MEGF10: variants seen among roughly 807,000 people sequenced by gnomAD.
The protein encoded by MEGF10 is multiple epidermal growth factor-like domains protein 10.
A neutral mutation model predicts 147.5 loss-of-function variants in MEGF10; 86 were observed. The observed-to-expected ratio is 0.58, with a 90% CI of 0.49 to 0.70. The LOEUF (loss-of-function observed/expected upper bound fraction) is 0.70, where lower values mean the gene tolerates loss of function less well. Among genes scored for constraint, MEGF10 ranks in the 30% least tolerant of loss-of-function variants. MEGF10 has a pLI of 0.00. For missense variants in MEGF10, 1,329 were observed against 1,487.3 expected (o/e 0.89, Z 1.75); for synonymous variants, 478 against 525.5 (o/e 0.91, Z 1.24).
the MEGF10 span, among the ~76,000 whole-genome samples, chr5:127,274,310 T>C: frequency 6.6e-6 from 1 of 152,156 alleles, no homozygotes; most frequent in Admixed American, 6.5e-5. Flanking sequence ...TGTGAAAAAT[T>C]TTTGTTTCAA....
At chr5:127,262,755 A>G in the MEGF10 span, among the ~76,000 whole-genome samples, 25 of 152,252 alleles carry the variant, frequency 1.6e-4, no homozygotes, top group African/African-American at 5.3e-4. Context: ...ACTCTGTCCT[A>G]TATCTTTCCA....
chr5:127,445,669 G>T lies in MEGF10; in HGVS notation c.2704G>T (p.Val902Phe), dbSNP rs138034219. ...TACCTACACCCCTGCTATGAGGGTC[G>T]TCAATGCAGATTATACCATTTCAGG... ...AVTYTPAMRV[V>F]NADYTISGTL... is the part of the protein sequence containing the mutation. Residue 902 changes from valine to phenylalanine, a missense_variant, in exon 20 of 25, where the codon GTC becomes TTC. Around this residue, in one of 3 missense-constraint regions of MEGF10, gnomAD observed 343 missense variants for 377.9 expected, o/e 0.91. Transcript: ENST00000503335. The T allele has an allele frequency of 5.5e-5, 88 of 1,613,780 alleles. No homozygotes were observed. The South Asian group carries it at 8.5e-4, about 16-fold the overall frequency.
intron 4 of MEGF10, among the ~76,000 whole-genome samples, chr5:127,364,436 T>C (rs1453761339): frequency 6.6e-6 from 1 of 152,226 alleles, no homozygotes; most frequent in Non-Finnish European, 1.5e-5. Context: ...TTTATTGAGT[T>C]TGATGGATCT....
chr5:127,419,028 A>G, intron 10 of MEGF10, 92 bp from the exon 11 acceptor site: 1 of 1,405,538 alleles, frequency 7.1e-7, no homozygotes, highest in Non-Finnish European at 9.6e-7. Flanking sequence ...AGGAAGTATA[A>G]TTAGCATTGC....
chr5:127,262,791 TTC>T, the MEGF10 span, among the ~76,000 whole-genome samples: 1 of 152,202 alleles, frequency 6.6e-6, no homozygotes, highest in Non-Finnish European at 1.5e-5. Context: ...TACACTTTTG[TTC>T]TCTATCTCTA....
chr5:127,456,680 A>C (rs1432655693), intron 24 of MEGF10, among the ~76,000 whole-genome samples: 1 of 152,260 alleles, frequency 6.6e-6, no homozygotes, highest in African/African-American at 2.4e-5. Flanking sequence ...ACTGTCCCAC[A>C]AACCTGCCAC....
chr5:127,433,265 G>T, intron 13 of MEGF10, 98 bp from the exon 14 acceptor site: 1 of 1,454,406 alleles, frequency 6.9e-7, no homozygotes, highest in Non-Finnish European at 9.6e-7. Context: ...GTGATCCTCA[G>T]GTTTAACACT....
intron 5 of MEGF10, among the ~76,000 whole-genome samples, chr5:127,372,190 G>A (rs956918189): frequency 1.3e-5 from 2 of 152,170 alleles, no homozygotes; most frequent in African/African-American, 2.4e-5. Context: ...CAATTTGATG[G>A]TGGACATTAG....
At chr5:127,389,721 G>C (rs1400143311) in intron 5 of MEGF10, among the ~76,000 whole-genome samples, 1 of 152,070 alleles carries the variant, frequency 6.6e-6, no homozygotes, top group Non-Finnish European at 1.5e-5. Flanking sequence ...GCTAAATACC[G>C]AGAACACATG....
chr5:127,355,314 TA>T (rs147939406), intron 4 of MEGF10, among the ~76,000 whole-genome samples: 25 of 148,408 alleles, frequency 1.7e-4, no homozygotes, highest in Admixed American at 5.4e-4. Context: ...TGTCAAATAT[TA>T]AAAAAAAAAC....
chr5:127,314,669 C>T (rs991077039), intron 1 of MEGF10, among the ~76,000 whole-genome samples: 9 of 152,088 alleles, frequency 5.9e-5, no homozygotes, highest in African/African-American at 1.9e-4. Context: ...ACATGTTGGA[C>T]TAAGGGAATT....
chr5:127,382,273 A>G (rs1173453636), intron 5 of MEGF10, among the ~76,000 whole-genome samples: 2 of 152,226 alleles, frequency 1.3e-5, no homozygotes, highest in Non-Finnish European at 2.9e-5. Flanking sequence ...TGTCCTAGTT[A>G]TATAGACTAT....
the MEGF10 span, among the ~76,000 whole-genome samples, chr5:127,239,873 C>T: frequency 6.6e-6 from 1 of 152,148 alleles, no homozygotes; most frequent in African/African-American, 2.4e-5. Context: ...TGACAGATGA[C>T]TTCTCTACCT....
intron 9 of MEGF10, among the ~76,000 whole-genome samples, chr5:127,415,963 A>T (rs1053033238): frequency 2.6e-5 from 4 of 151,658 alleles, no homozygotes; most frequent in African/African-American, 9.7e-5. Flanking sequence ...CTATTTATGG[A>T]AATTTGGACA....
At chr5:127,427,000 GC>G (rs1179128802) in intron 13 of MEGF10, among the ~76,000 whole-genome samples, 2 of 152,218 alleles carry the variant, frequency 1.3e-5, no homozygotes, top group Non-Finnish European at 2.9e-5. Context: ...AGATTATGGA[GC>G]CTCTGCCCAT....
chr5:127,246,983 AG>A, the MEGF10 span, among the ~76,000 whole-genome samples: 6 of 83,576 alleles, frequency 7.2e-5, no homozygotes, highest in Admixed American at 3.1e-4. Context: ...ATGTATAAAA[AG>A]AATATATATA....
intron 5 of MEGF10, among the ~76,000 whole-genome samples, chr5:127,371,758 A>C (rs1160520174): frequency 6.6e-6 from 1 of 152,220 alleles, no homozygotes; most frequent in Non-Finnish European, 1.5e-5. Context: ...TTTGGAGTTT[A>C]ATGAAGACTC....
chr5:127,454,511 G>A, intron 22 of MEGF10, 55 bp from the exon 23 acceptor site: 1 of 1,511,492 alleles, frequency 6.6e-7, no homozygotes, highest in Admixed American at 2.0e-5. Context: ...ATATTGGATG[G>A]GGTTTTTCTT....
the MEGF10 span, among the ~76,000 whole-genome samples, chr5:127,284,097 T>A: frequency 6.6e-6 from 1 of 152,200 alleles, no homozygotes; most frequent in East Asian, 1.9e-4. Context: ...TGCTCTTCCC[T>A]TTCTTCCTCC....
Sources: gnomAD v4.1 joint callset for allele counts (sites outside exome capture counted in the v4.1 genomes callset) on GRCh38, gnomAD v4.1.1 for gene constraint, gnomAD v4.1.1 regional missense constraint, MANE v1.5 for transcripts, NCBI Gene and HGNC (gene_info 2026-07-23, HGNC 2026-07-21) for gene names.